The following TRIM2 variants were observed in gnomAD, a reference collection of about 807,000 sequenced individuals.
TRIM2 encodes the protein tripartite motif-containing protein 2.
A neutral mutation model predicts 75.2 loss-of-function variants in TRIM2; 20 were observed. That is an observed-to-expected ratio of 0.27 (90% CI 0.19 to 0.39). The LOEUF (loss-of-function observed/expected upper bound fraction) is 0.39. Among genes scored for constraint, TRIM2 ranks in the 10% least tolerant of loss-of-function variants. The pLI, the probability that TRIM2 is intolerant of heterozygous loss-of-function variation, is 1.00. For missense variants in TRIM2, 660 were observed against 990.8 expected, an observed-to-expected ratio of 0.67 and a Z score of 4.48; for synonymous variants, 373 against 388.3, an observed-to-expected ratio of 0.96 and a Z score of 0.46.
intron 1 of TRIM2, among the ~76,000 whole-genome samples, chr4:153,221,789 AAGGAAAGAGCG>A (rs1467650608): frequency 2.8e-5 from 2 of 70,516 alleles, no homozygotes; most frequent in Non-Finnish European, 4.9e-5. Context: ...GAAGAAAAGG[AAGGAAAGAGCG>A]AGGAAGGAAG....
At chr4:153,323,096 A>G (rs944059203) in intron 9 of TRIM2, among the ~76,000 whole-genome samples, 1 of 152,232 alleles carries the variant, frequency 6.6e-6, no homozygotes, top group African/African-American at 2.4e-5. Context: ...TAAATAAGGT[A>G]TAAATTTTAA....
At chr4:153,252,183 G>A (rs192651459) in intron 1 of TRIM2, among the ~76,000 whole-genome samples, 18 of 152,132 alleles carry the variant, frequency 1.2e-4, no homozygotes, top group Non-Finnish European at 2.2e-4. Context: ...ATTAGGCAGC[G>A]TTTATAAGCT....
chr4:153,291,215 T>C (rs1761782134), intron 3 of TRIM2, among the ~76,000 whole-genome samples: 1 of 152,202 alleles, frequency 6.6e-6, no homozygotes, highest in South Asian at 2.1e-4. Context: ...ACACATGTAG[T>C]ATGAGCAAGC....
In TRIM2 at chr4:153,304,295, G is replaced by T. The variant is rs530748616; in HGVS notation, c.1510+8259G>T. ...CACCTGGCTAATTTTTGTATTTTCA[G>T]TAGAGATGGGCTTTTACCATGTTGG... is the stretch of plus-strand genomic sequence containing the variant. On this transcript the variant is annotated intron_variant, in intron 6 of 11. Coordinates refer to ENST00000338700, the MANE Select transcript of TRIM2 (RefSeq NM_015271.5). Among the ~76,000 whole-genome samples, 3 of 152,064 alleles carry T rather than the reference G, an allele frequency of 2.0e-5. No homozygotes were observed. In the South Asian group the frequency reaches 6.2e-4, roughly 32 times the overall value.
chr4:153,281,009 C>T lies in TRIM2; in HGVS notation c.453+4879C>T, dbSNP rs545470637. ...TGCAAATTCTTAATATGTAAAAGCA[C>T]TTACAAATTAAGAAAAATATGAGCA... On this transcript the variant is annotated intron_variant, in intron 3 of 11. Coordinates refer to ENST00000338700, the MANE Select transcript of TRIM2 (RefSeq NM_015271.5). 7.9e-5 allele frequency among the ~76,000 whole-genome samples: 12 copies of T among 152,160 alleles called. 1 individual carries two copies. Among genetic ancestry groups the T allele is most frequent in the Admixed American group, 6.5e-4 (10 of 15,274 alleles).
intron 1 of TRIM2, among the ~76,000 whole-genome samples, chr4:153,197,861 G>A (rs1413474371): frequency 2.6e-5 from 4 of 152,106 alleles, no homozygotes; most frequent in East Asian, 1.9e-4. Context: ...CAACAAGAGC[G>A]AAACTCCGTC....
intron 3 of TRIM2, among the ~76,000 whole-genome samples, chr4:153,292,080 C>T (rs779335000): frequency 5.9e-5 from 9 of 152,168 alleles, no homozygotes; most frequent in Non-Finnish European, 1.2e-4. Context: ...GGTCCCAAGA[C>T]GTTTTCAAGC....
chr4:153,335,954 GTGAT>G lies in TRIM2; in HGVS notation c.*994_*997del, dbSNP rs1772398050. Reference sequence around the variant, plus strand: ...GACTGATGGTGTCAACCAAAGGCATGTGATTGATTAATGATTCCCCCTTAGAAAG... The same window carrying G: ...GACTGATGGTGTCAACCAAAGGCATGTGATTAATGATTCCCCCTTAGAAAG... On this transcript the variant is annotated 3_prime_UTR_variant, in exon 12 of 12. Coordinates refer to ENST00000338700, the MANE Select transcript of TRIM2 (RefSeq NM_015271.5). The G allele has an allele frequency of 2.8e-5, 28 of 985,850 alleles. No homozygotes were observed. In the South Asian group the frequency reaches 1.2e-3, roughly 43 times the overall value. 61.1% of individuals were successfully genotyped at this position (985,850 alleles called of 1,614,324 possible).
chr4:153,158,101 T>C (rs1729404784), intron 1 of TRIM2, among the ~76,000 whole-genome samples: 1 of 152,364 alleles, frequency 6.6e-6, no homozygotes, highest in East Asian at 1.9e-4. Flanking sequence ...CTGTTGGCTC[T>C]TTCTTTTTGA....
chr4:153,256,821 T>A (rs1349368342), intron 1 of TRIM2, among the ~76,000 whole-genome samples: 1 of 152,200 alleles, frequency 6.6e-6, no homozygotes, highest in Non-Finnish European at 1.5e-5. Flanking sequence ...CATTGCATGA[T>A]TTGACTTTGT....
rs372163286 is a variant in TRIM2 at position 153,309,299 on chromosome 4, CCT to C, written c.1511-6185_1511-6184del. On this transcript the variant is annotated intron_variant, in intron 6 of 11. Coordinates refer to ENST00000338700, the MANE Select transcript of TRIM2 (RefSeq NM_015271.5). Reference sequence around the variant, plus strand: ...AGGAGAACCAGGTTTTATTCTTCCCCCTGTCTCTGATGATCTCGGTAATGTGT... The same window carrying C: ...AGGAGAACCAGGTTTTATTCTTCCCCGTCTCTGATGATCTCGGTAATGTGT... Among the ~76,000 whole-genome samples, 938 of 152,184 alleles carry C rather than the reference CCT, an allele frequency of 6.2e-3. 10 individuals carry two copies. Among genetic ancestry groups the C allele is most frequent in the African/African-American group, 0.021 (890 of 41,514 alleles).
intron 3 of TRIM2, among the ~76,000 whole-genome samples, chr4:153,284,211 T>G (rs532792709): frequency 4.8e-4 from 67 of 138,334 alleles, no homozygotes; most frequent in African/African-American, 1.3e-3. Context: ...TGTTTTTTGG[T>G]TTTTTTTTAG....
At chr4:153,244,426 CTTCTTCTTCTT>C (rs1748439684) in intron 1 of TRIM2, among the ~76,000 whole-genome samples, 4 of 104,270 alleles carry the variant, frequency 3.8e-5, no homozygotes, top group Admixed American at 1.2e-4. Context: ...TCTTCTTCTT[CTTCTTCTTCTT>C]TTAATTAGAG....
upstream of TRIM2, among the ~76,000 whole-genome samples, chr4:153,203,394 TACACACACAC>T (rs35049904): frequency 3.5e-4 from 49 of 141,382 alleles, no homozygotes; most frequent in African/African-American, 1.2e-3. Flanking sequence ...CCCACATCTC[TACACACACAC>T]ACACACACAC....
At position 153,276,085 on chromosome 4, in the gene TRIM2, T is replaced by C. The variant is rs762777040; in HGVS notation, c.408T>C (p.Ala136=). 5.0e-6 allele frequency: 8 copies of C among 1,614,274 alleles called. No individual in the cohort carries two copies. Among genetic ancestry groups the C allele is most frequent in the Non-Finnish European group, 6.8e-6 (8 of 1,180,052 alleles). The change falls in exon 3 of 12, where the codon GCT becomes GCC. Residue 136 remains alanine (A), a synonymous_variant. Transcript: ENST00000338700. ...EESSILETVT[A]VAAGKPLSCP... ...CTTCCATCCTGGAGACAGTCACTGC[T>C]GTGGCTGCGGGAAAGCCTCTCTCTT...
chr4:153,292,786 A>G (rs994409184), intron 3 of TRIM2, among the ~76,000 whole-genome samples, 196 bp from the exon 4 acceptor site: 3 of 152,244 alleles, frequency 2.0e-5, no homozygotes, highest in Non-Finnish European at 4.4e-5. Flanking sequence ...GAAGCAGCTT[A>G]GAAGTCAGCT....
chr4:153,197,020 C>T (rs182027964), intron 1 of TRIM2, among the ~76,000 whole-genome samples: 12 of 152,156 alleles, frequency 7.9e-5, no homozygotes, highest in African/African-American at 1.2e-4. Context: ...ATGTAGGAGG[C>T]TTATAGAAAA....
chr4:153,154,676 T>A (rs970908206), intron 1 of TRIM2, among the ~76,000 whole-genome samples: 7 of 152,300 alleles, frequency 4.6e-5, no homozygotes, highest in African/African-American at 1.7e-4. Flanking sequence ...AAAGTAGTAA[T>A]CAGTATAGCT....
chr4:153,295,197 C>A lies in TRIM2; in HGVS notation c.787-116C>A. The stretch of plus-strand genomic sequence containing the variant: ...TCCCTGGGTTGACAAACACCGCTTG[C>A]TCAGAGCCACCTGCGTGGGCAGGTG... On this transcript the variant is annotated intron_variant, in intron 5 of 11. Transcript: ENST00000338700. This position sits in a 1 kb window ranked among gnomAD's most constrained non-coding sequence, Gnocchi z 7.2. 7.2e-7 allele frequency: 1 copy of A among 1,386,954 alleles called. No homozygotes were observed. The highest frequency in any genetic ancestry group is 9.5e-7 in the Non-Finnish European group (1 of 1,051,290). The allele number at this position is 1,386,954 out of a possible 1,614,324, so 85.9% of individuals were successfully genotyped here. A position where few individuals can be genotyped will look rare whatever the true frequency, so the allele number is the denominator to read the frequency against.
Sources: allele counts gnomAD v4.1 joint callset (sites outside exome capture counted in the v4.1 genomes callset), GRCh38; gene constraint gnomAD v4.1.1; non-coding constraint Gnocchi (gnomAD v3.1); transcripts MANE v1.5; gene names NCBI Gene and HGNC (gene_info 2026-07-23, HGNC 2026-07-21).